The following PHACTR3 variants were observed in gnomAD, a reference collection of about 807,000 sequenced individuals.
PHACTR3 encodes phosphatase and actin regulator 3, also known as protein phosphatase 1, regulatory subunit 123.
A neutral mutation model predicts 66.8 loss-of-function variants in PHACTR3; 16 were observed. That is an observed-to-expected ratio of 0.24 (90% confidence interval 0.16 to 0.36). PHACTR3 has a LOEUF of 0.36. Ranked by LOEUF, PHACTR3 falls within the 10% of genes least tolerant of loss-of-function variation. PHACTR3 has a pLI of 1.00. For missense variants in PHACTR3, 647 were observed against 719.9 expected (o/e 0.90, Z 1.16); for synonymous variants, 323 against 292.1 (o/e 1.11, Z -1.08).
At chr20:59,811,909 C>T (rs1239312971) in intron 8 of PHACTR3, among the ~76,000 whole-genome samples, 1 of 152,222 alleles carries the variant, frequency 6.6e-6, no homozygotes, top group African/African-American at 2.4e-5. Context: ...CTGGAAGATT[C>T]CACATTGGTC....
intron 4 of PHACTR3, 117 bp downstream of exon 4, chr20:59,755,481 C>A: frequency 8.3e-7 from 1 of 1,209,024 alleles, no homozygotes; most frequent in Non-Finnish European, 1.1e-6. Flanking sequence ...CTCCAGAGAG[C>A]TGGGCCCGTG....
chr20:59,713,505 A>T (rs1178507371), intron 1 of PHACTR3, among the ~76,000 whole-genome samples: 1 of 152,150 alleles, frequency 6.6e-6, no homozygotes, highest in Non-Finnish European at 1.5e-5. Context: ...CATAATTGGA[A>T]CTGAACAATA....
chr20:59,648,597 G>T (rs1458757856), intron 1 of PHACTR3, among the ~76,000 whole-genome samples: 1 of 152,188 alleles, frequency 6.6e-6, no homozygotes, highest in Non-Finnish European at 1.5e-5. Flanking sequence ...TCAGGGAGGG[G>T]TTGACCTTCT....
intron 1 of PHACTR3, among the ~76,000 whole-genome samples, chr20:59,727,361 T>C (rs1230605912): frequency 2.0e-5 from 3 of 152,080 alleles, no homozygotes; most frequent in African/African-American, 4.8e-5. Flanking sequence ...ATTTGGGCTG[T>C]TTTTGCTTTA....
chr20:59,758,810 G>A (rs1356855744), intron 4 of PHACTR3, among the ~76,000 whole-genome samples: 1 of 152,126 alleles, frequency 6.6e-6, no homozygotes, highest in Non-Finnish European at 1.5e-5. Context: ...TGGGACCATG[G>A]GCAAGTGACT....
At chr20:59,792,275 A>G (rs1165211440) in intron 7 of PHACTR3, among the ~76,000 whole-genome samples, 1 of 152,240 alleles carries the variant, frequency 6.6e-6, no homozygotes, top group African/African-American at 2.4e-5. Context: ...TGTGATCAGC[A>G]TTTGTGTACA....
At chr20:59,618,406 G>A (rs948802851) in intron 1 of PHACTR3, among the ~76,000 whole-genome samples, 27 of 152,186 alleles carry the variant, frequency 1.8e-4, no homozygotes, top group African/African-American at 6.5e-4. Flanking sequence ...CACTCTGGCT[G>A]GCCACCCCGG....
intron 1 of PHACTR3, among the ~76,000 whole-genome samples, chr20:59,684,618 G>A (rs1252616911): frequency 6.6e-6 from 1 of 152,200 alleles, no homozygotes; most frequent in East Asian, 1.9e-4. Flanking sequence ...CATGAGAAGG[G>A]ATTTTGGATC....
At chr20:59,793,379 A>G (rs1019828636) in intron 7 of PHACTR3, among the ~76,000 whole-genome samples, 1 of 152,214 alleles carries the variant, frequency 6.6e-6, no homozygotes, top group African/African-American at 2.4e-5. Context: ...TTTGGATAAT[A>G]TGGGCATTTT....
chr20:59,727,890 A>C (rs868800784), intron 1 of PHACTR3, among the ~76,000 whole-genome samples: 17 of 152,276 alleles, frequency 1.1e-4, no homozygotes, highest in African/African-American at 4.1e-4. Context: ...AGAATACTGC[A>C]CCTGTAACAC....
chr20:59,798,233 C>T (rs1176256525), intron 7 of PHACTR3, among the ~76,000 whole-genome samples: 2 of 152,064 alleles, frequency 1.3e-5, no homozygotes, highest in African/African-American at 2.4e-5. Flanking sequence ...TTTTTAAGGG[C>T]CTTAAATCCA....
At chr20:59,620,573 G>C (rs887198857) in intron 1 of PHACTR3, among the ~76,000 whole-genome samples, 3 of 152,116 alleles carry the variant, frequency 2.0e-5, no homozygotes, top group Non-Finnish European at 4.4e-5. Flanking sequence ...TTTTTAAATC[G>C]AGTATATGCG....
At chr20:59,832,051 G>A (rs1167766241) in intron 8 of PHACTR3, among the ~76,000 whole-genome samples, 1 of 152,182 alleles carries the variant, frequency 6.6e-6, no homozygotes, top group Non-Finnish European at 1.5e-5. Context: ...GACTCTCTGT[G>A]CTGGGAGAAT....
At chr20:59,759,246 T>A (rs1271125482) in intron 4 of PHACTR3, among the ~76,000 whole-genome samples, 1 of 152,140 alleles carries the variant, frequency 6.6e-6, no homozygotes. Flanking sequence ...GGGACATCGG[T>A]CACCTCCACA....
chr20:59,581,014 C>A (rs538883814), intron 1 of PHACTR3, among the ~76,000 whole-genome samples: 1 of 152,170 alleles, frequency 6.6e-6, no homozygotes, highest in Non-Finnish European at 1.5e-5. Context: ...GAGGACTGGA[C>A]GGCTGAGACC....
At chr20:59,622,829 A>T (rs991293207) in intron 1 of PHACTR3, among the ~76,000 whole-genome samples, 7 of 151,734 alleles carry the variant, frequency 4.6e-5, no homozygotes, top group Admixed American at 1.3e-4. Flanking sequence ...CCACCAGGAG[A>T]TGCACATCCT....
intron 7 of PHACTR3, among the ~76,000 whole-genome samples, chr20:59,799,745 A>G (rs2041358788): frequency 6.6e-6 from 1 of 152,120 alleles, no homozygotes; most frequent in African/African-American, 2.4e-5. Flanking sequence ...CTCATGTTTT[A>G]ATCCATTCTG....
intron 1 of PHACTR3, among the ~76,000 whole-genome samples, chr20:59,684,445 A>T (rs530889088): frequency 1.3e-5 from 2 of 152,074 alleles, no homozygotes; most frequent in African/African-American, 2.4e-5. Context: ...GCCTTTGCAG[A>T]ACCTTCTCTT....
At chr20:59,706,434 T>G (rs1278580660) in intron 1 of PHACTR3, among the ~76,000 whole-genome samples, 1 of 152,206 alleles carries the variant, frequency 6.6e-6, no homozygotes, top group Non-Finnish European at 1.5e-5. Context: ...TTCTGGAGAC[T>G]TTTGCAAAGG....
Sources: gnomAD v4.1 joint callset for allele counts (sites outside exome capture counted in the v4.1 genomes callset) on GRCh38, gnomAD v4.1.1 for gene constraint, MANE v1.5 for transcripts, NCBI Gene and HGNC (gene_info 2026-07-23, HGNC 2026-07-21) for gene names.